ELFN2: variants seen among roughly 807,000 people sequenced by gnomAD.
ELFN2 encodes the protein extracellular leucine rich repeat and fibronectin type III domain containing 2, also known as protein phosphatase 1 regulatory subunit 29.
ELFN2 carries 17 observed loss-of-function variants against 45.5 expected under a neutral mutation model. The observed-to-expected ratio is 0.37, with a 90% CI of 0.26 to 0.56. The LOEUF (loss-of-function observed/expected upper bound fraction) is 0.56, where lower values mean the gene tolerates loss of function less well. ELFN2 is among the 20% of genes least tolerant of loss of function. ELFN2 has a pLI of 0.77. For missense variants in ELFN2, 922 were observed against 1,183.2 expected (o/e 0.78, Z 3.24); for synonymous variants, 550 against 551.5 (o/e 1.00, Z 0.04).
At position 37,372,320 on chromosome 22, in the gene ELFN2, G is replaced by A. The variant is rs1931390166; in HGVS notation, c.*752C>T. On this transcript the variant is annotated 3_prime_UTR_variant, in exon 3 of 3. Coordinates refer to ENST00000402918, the MANE Select transcript of ELFN2 (RefSeq NM_052906.5). This position sits in a 1 kb window ranked among gnomAD's most constrained non-coding sequence, Gnocchi z 4.4. ...CTGAATCACAGCTGCACACTCTGGG[G>A]GCACTGCCATGTGGCTTTCTAGGAA... 6.6e-6 allele frequency: 1 copy of A among 152,448 alleles called. No individual in the cohort carries two copies. The highest frequency in any genetic ancestry group is 2.4e-5 in the African/African-American group (1 of 41,434). The allele number at this position is 152,448 out of a possible 1,614,324, so 9.4% of individuals were successfully genotyped here.
intron 2 of ELFN2, among the ~76,000 whole-genome samples, chr22:37,386,400 C>A (rs763333220): frequency 6.6e-6 from 1 of 152,206 alleles, no homozygotes; most frequent in Non-Finnish European, 1.5e-5. Context: ...GGCCCAGCAC[C>A]CAGGGTCCTG....
Position 37,353,278 on chromosome 22 carries a change from G to T in ELFN2, n.149-10575C>A, listed in dbSNP as rs1182649206. ...AGGGAAAGGGGAGCGGAGGAGCAGA[G>T]TCCCTCATGGGGTCTAGTCCAATCG... On this transcript the variant is annotated intron_variant and non_coding_transcript_variant, in intron 1 of 2. Coordinates refer to ENST00000452946, the Ensembl canonical transcript of ELFN2. 3 of 151,116 alleles carry T rather than the reference G, an allele frequency of 2.0e-5. 1 individual carries two copies. The highest frequency in any genetic ancestry group is 4.5e-5 in the Non-Finnish European group (3 of 67,386). The allele number at this position is 151,116 out of a possible 1,614,324, so 9.4% of individuals were successfully genotyped here.
intron 1 of ELFN2, among the ~76,000 whole-genome samples, chr22:37,421,741 G>T (rs929986051): frequency 6.6e-6 from 1 of 152,224 alleles, no homozygotes; most frequent in African/African-American, 2.4e-5. Flanking sequence ...TAGATGAAAG[G>T]AATTTGTTTA....
At position 37,372,056 on chromosome 22, in the gene ELFN2, C is replaced by CG. The variant is rs1210177425; in HGVS notation, c.*1015dup. ...CAGCCCTCCAGGCATCACAGTGCAC[C>CG]GCTGCCCTTCTGCGGTGGGCAGGGG... is the stretch of plus-strand genomic sequence containing the variant. On this transcript the variant is annotated 3_prime_UTR_variant, in exon 3 of 3. Coordinates refer to ENST00000402918, the MANE Select transcript of ELFN2 (RefSeq NM_052906.5). This position sits in a 1 kb window ranked among gnomAD's most constrained non-coding sequence, Gnocchi z 4.4. The CG allele has an allele frequency of 7.2e-5, 11 of 152,454 alleles. No homozygotes were observed. Among genetic ancestry groups the CG allele is most frequent in the Admixed American group, 7.2e-4 (11 of 15,292 alleles). 9.4% of individuals were successfully genotyped at this position (152,454 alleles called of 1,614,324 possible).
chr22:37,365,166 G>A (rs1324303570), downstream of ELFN2, among the ~76,000 whole-genome samples: 1 of 152,128 alleles, frequency 6.6e-6, no homozygotes, highest in Non-Finnish European at 1.5e-5. Flanking sequence ...CCTGCCTTCA[G>A]AGACTAAATA....
chr22:37,375,671 T>C lies in ELFN2; in HGVS notation c.-137A>G. ...CCCAGCACGGGGGCCCCAGGCAAGG[T>C]GGGTACAGCTAGTGCCAACTGCTGG... On this transcript the variant is annotated 5_prime_UTR_variant, in exon 3 of 3. Transcript: ENST00000402918. 2 of 996,052 alleles carry C rather than the reference T, an allele frequency of 2.0e-6. No individual in the cohort carries two copies. The highest frequency in any genetic ancestry group is 1.7e-5 in the South Asian group (1 of 58,134). 61.7% of individuals were successfully genotyped at this position (996,052 alleles called of 1,614,324 possible).
intron 1 of ELFN2, among the ~76,000 whole-genome samples, chr22:37,343,393 C>G (rs910030537): frequency 6.6e-6 from 1 of 152,162 alleles, no homozygotes. Flanking sequence ...GCACTACACC[C>G]TCCCATTTCT....
At position 37,424,683 on chromosome 22, in the gene ELFN2, G is replaced by A. The variant is rs201606267; in HGVS notation, c.-614+2615C>T. ...TCCCTGTAGCCACTGAGGGCGGCGG[G>A]GGGGGGGATGGAATTCACATTAAAT... On this transcript the variant is annotated intron_variant, in intron 1 of 2. Coordinates refer to ENST00000402918, the MANE Select transcript of ELFN2 (RefSeq NM_052906.5). Among the ~76,000 whole-genome samples, 19 of 151,382 alleles carry A rather than the reference G, an allele frequency of 1.3e-4. No individual in the cohort carries two copies. In the East Asian group the frequency reaches 2.1e-3, roughly 17 times the overall value.
At chr22:37,390,313 G>T (rs1280389330) in intron 2 of ELFN2, among the ~76,000 whole-genome samples, 2 of 152,212 alleles carry the variant, frequency 1.3e-5, no homozygotes, top group African/African-American at 4.8e-5. Context: ...TTGGAGAGGG[G>T]CCTGGCTTGC....
At chr22:37,409,766 C>A (rs1447378888) in intron 2 of ELFN2, among the ~76,000 whole-genome samples, 1 of 152,194 alleles carries the variant, frequency 6.6e-6, no homozygotes, top group Non-Finnish European at 1.5e-5. Context: ...GGACCCAGGT[C>A]CCGCCGCACC....
In ELFN2 at chr22:37,372,070, G is replaced by A. The variant is rs561237033; in HGVS notation, c.*1002C>T. The A allele has an allele frequency of 2.0e-5, 3 of 152,588 alleles. No individual in the cohort carries two copies. The highest frequency in any genetic ancestry group is 4.8e-5 in the African/African-American group (2 of 41,556). 9.5% of individuals were successfully genotyped at this position (152,588 alleles called of 1,614,324 possible). A position where few individuals can be genotyped will look rare whatever the true frequency, so the allele number is the denominator to read the frequency against. On this transcript the variant is annotated 3_prime_UTR_variant, in exon 3 of 3. Coordinates refer to ENST00000402918, the MANE Select transcript of ELFN2 (RefSeq NM_052906.5). The surrounding 1 kb of genome is among the most constrained non-coding windows in gnomAD (Gnocchi z 4.4). ...TCACAGTGCACCGCTGCCCTTCTGC[G>A]GTGGGCAGGGGTCTCGGAGGACCAG...
intron 2 of ELFN2, among the ~76,000 whole-genome samples, chr22:37,403,789 C>T (rs2145674205): frequency 6.6e-6 from 1 of 152,382 alleles, no homozygotes; most frequent in East Asian, 1.9e-4. Flanking sequence ...GCCGTGTATG[C>T]ACACGTGTAC....
intron 1 of ELFN2, among the ~76,000 whole-genome samples, chr22:37,359,044 T>G (rs1053730020): frequency 2.6e-5 from 4 of 152,232 alleles, no homozygotes; most frequent in South Asian, 4.1e-4. Flanking sequence ...ATGTTGGTAT[T>G]GGAAGCCCTG....
chr22:37,402,175 C>T (rs1279898837), intron 2 of ELFN2, among the ~76,000 whole-genome samples: 1 of 152,238 alleles, frequency 6.6e-6, no homozygotes, highest in Non-Finnish European at 1.5e-5. Flanking sequence ...GCTTAGTTGT[C>T]TCTGGCACAG....
chr22:37,354,499 T>C (rs1346737951), intron 1 of ELFN2: 5 of 152,174 alleles, frequency 3.3e-5, no homozygotes, highest in Admixed American at 2.0e-4. Flanking sequence ...TACCTTTTTC[T>C]ATGCGATTCT....
At chr22:37,413,760 C>G (rs1047033545) in intron 2 of ELFN2, among the ~76,000 whole-genome samples, 1 of 152,160 alleles carries the variant, frequency 6.6e-6, no homozygotes, top group East Asian at 1.9e-4. Context: ...ACACAGCTAG[C>G]GAGCATCTGG....
chr22:37,415,088 C>T (rs2145685456), intron 2 of ELFN2, among the ~76,000 whole-genome samples: 1 of 152,336 alleles, frequency 6.6e-6, no homozygotes, highest in South Asian at 2.1e-4. Context: ...AGGAAAGTGG[C>T]AGTGTTGGGA....
At chr22:37,403,944 G>C (rs575662346) in intron 2 of ELFN2, among the ~76,000 whole-genome samples, 1 of 152,214 alleles carries the variant, frequency 6.6e-6, no homozygotes, top group Non-Finnish European at 1.5e-5. Context: ...GGGAGAAAGA[G>C]AGGGACGTCC....
intron 1 of ELFN2, among the ~76,000 whole-genome samples, chr22:37,352,647 C>T (rs1279683561): frequency 6.6e-6 from 1 of 150,392 alleles, no homozygotes; most frequent in African/African-American, 2.4e-5. Flanking sequence ...TAGATGGAGG[C>T]GGCGGTAAGT....
Sources: gnomAD v4.1 joint callset for allele counts (sites outside exome capture counted in the v4.1 genomes callset) on GRCh38, gnomAD v4.1.1 for gene constraint, Gnocchi (gnomAD v3.1) non-coding constraint, MANE v1.5 for transcripts, NCBI Gene and HGNC (gene_info 2026-07-23, HGNC 2026-07-21) for gene names.